DDAH1: variants seen among roughly 807,000 people sequenced by gnomAD.
The protein encoded by DDAH1 is dimethylarginine dimethylaminohydrolase 1.
A neutral mutation model predicts 28.8 loss-of-function variants in DDAH1; 19 were observed. That is an observed-to-expected ratio of 0.66 (90% CI 0.46 to 0.97). DDAH1 has a LOEUF of 0.97. Among genes scored for constraint, DDAH1 ranks in the 50% least tolerant of loss-of-function variants. DDAH1 has a pLI of 0.00. For missense variants in DDAH1, 326 were observed against 375.9 expected, an observed-to-expected ratio of 0.87 and a Z score of 1.10; for synonymous variants, 153 against 154.4, an observed-to-expected ratio of 0.99 and a Z score of 0.07.
intron 1 of DDAH1, among the ~76,000 whole-genome samples, chr1:85,499,894 G>A (rs1265363847): frequency 6.6e-6 from 1 of 152,110 alleles, no homozygotes; most frequent in Admixed American, 6.6e-5. Context: ...ACCACTTCTA[G>A]CACTAGTCAT....
chr1:85,450,703 T>C (rs192448542), intron 1 of DDAH1, among the ~76,000 whole-genome samples: 4 of 152,322 alleles, frequency 2.6e-5, no homozygotes, highest in African/African-American at 9.6e-5. Context: ...CTGAAACTTT[T>C]GAGTTGCCTG....
chr1:85,381,420 T>C (rs1401104781), intron 1 of DDAH1, among the ~76,000 whole-genome samples: 1 of 151,986 alleles, frequency 6.6e-6, no homozygotes, highest in African/African-American at 2.4e-5. Flanking sequence ...AGTGGTTATT[T>C]CTGAGATTTT....
At chr1:85,379,875 A>G (rs1650886215) in intron 1 of DDAH1, among the ~76,000 whole-genome samples, 1 of 152,186 alleles carries the variant, frequency 6.6e-6, no homozygotes, top group Non-Finnish European at 1.5e-5. Context: ...GAACCCATGT[A>G]CACTGCAATT....
At chr1:85,525,567 T>TCA (rs3058870) in intron 1 of DDAH1, among the ~76,000 whole-genome samples, 6,417 of 149,076 alleles carry the variant, frequency 0.043, 233 homozygotes, top group East Asian at 0.11. Flanking sequence ...AGAATGATAT[T>TCA]CACACACACA....
intron 1 of DDAH1, among the ~76,000 whole-genome samples, chr1:85,514,655 T>C (rs1240669791): frequency 2.0e-5 from 3 of 151,408 alleles, no homozygotes; most frequent in African/African-American, 7.3e-5. Flanking sequence ...TTCTTTCACT[T>C]TTTTGGGTAT....
rs1195382561 is a variant in DDAH1 at position 85,341,973 on chromosome 1, T to G, written c.597+8442A>C. ...TTATAATTATATGGTTGCTACTTTT[T>G]GCCAAGTAGTTGTTTGCTCCATCCT... is the stretch of plus-strand genomic sequence containing the variant. On this transcript the variant is annotated intron_variant, in intron 4 of 5. Transcript: ENST00000284031. Among the ~76,000 whole-genome samples the G allele has an allele frequency of 2.0e-5, 3 of 152,226 alleles. 1 individual carries two copies. The highest frequency in any genetic ancestry group is 7.2e-5 in the African/African-American group (3 of 41,456).
At chr1:85,490,355 G>A (rs938277387) in intron 2 of DDAH1, among the ~76,000 whole-genome samples, 1 of 152,138 alleles carries the variant, frequency 6.6e-6, no homozygotes, top group African/African-American at 2.4e-5. Flanking sequence ...GGCATAAAAA[G>A]TCAAAACACT....
intron 1 of DDAH1, among the ~76,000 whole-genome samples, chr1:85,366,272 C>T (rs558710183): frequency 1.5e-4 from 23 of 152,242 alleles, no homozygotes; most frequent in African/African-American, 3.6e-4. Flanking sequence ...ATGGTCAATA[C>T]GTGTTAAAGT....
At chr1:85,565,933 T>C (rs1197760445) in intron 1 of DDAH1, among the ~76,000 whole-genome samples, 3 of 151,982 alleles carry the variant, frequency 2.0e-5, no homozygotes, top group Non-Finnish European at 2.9e-5. Flanking sequence ...ATACAAAAAT[T>C]AGCTGGGTGT....
At chr1:85,441,909 T>C (rs1654216028) in intron 1 of DDAH1, among the ~76,000 whole-genome samples, 1 of 152,184 alleles carries the variant, frequency 6.6e-6, no homozygotes, top group Non-Finnish European at 1.5e-5. Flanking sequence ...CTGCACTTTA[T>C]AAAGACTTTT....
In DDAH1 at chr1:85,464,492, C is replaced by T; in HGVS notation, c.303+251G>A. 2 of 1,525,244 alleles carry T rather than the reference C, an allele frequency of 1.3e-6. No individual in the cohort carries two copies. The highest frequency in any genetic ancestry group is 8.8e-7 in the Non-Finnish European group (1 of 1,140,528). 94.5% of individuals were successfully genotyped at this position (1,525,244 alleles called of 1,614,324 possible). On this transcript the variant is annotated intron_variant, in intron 1 of 5. Transcript: ENST00000284031. The surrounding 1 kb of genome is among the most constrained non-coding windows in gnomAD (Gnocchi z 4.4). The stretch of plus-strand genomic sequence containing the variant: ...CCGTGAGACGGAATCCCCCGCCCAC[C>T]CACCTGCCCGAGACCGTACAACCAC...
At chr1:85,542,416 C>G (rs1658496267) in intron 1 of DDAH1, among the ~76,000 whole-genome samples, 1 of 152,322 alleles carries the variant, frequency 6.6e-6, no homozygotes, top group South Asian at 2.1e-4. Context: ...TATTCTCTAG[C>G]CCCTCAAACC....
intron 1 of DDAH1, among the ~76,000 whole-genome samples, chr1:85,369,357 TCAGA>T (rs1445530496): frequency 6.6e-6 from 1 of 151,966 alleles, no homozygotes; most frequent in Non-Finnish European, 1.5e-5. Flanking sequence ...ACTTTGTAAG[TCAGA>T]CAGAATTTCT....
chr1:85,374,508 T>A (rs233054), intron 1 of DDAH1, among the ~76,000 whole-genome samples: 4 of 151,872 alleles, frequency 2.6e-5, no homozygotes, highest in Admixed American at 2.6e-4. Flanking sequence ...TAAAGCCCAC[T>A]CTCCCTGGAC....
intron 1 of DDAH1, among the ~76,000 whole-genome samples, chr1:85,551,256 A>C (rs1291359153): frequency 2.0e-5 from 3 of 152,192 alleles, no homozygotes; most frequent in Non-Finnish European, 4.4e-5. Flanking sequence ...CTGGGGTGTG[A>C]GAGACATGGC....
intron 2 of DDAH1, among the ~76,000 whole-genome samples, chr1:85,473,062 T>G (rs1655673271): frequency 6.6e-6 from 1 of 152,226 alleles, no homozygotes; most frequent in Non-Finnish European, 1.5e-5. Flanking sequence ...ATTGCATTAT[T>G]TTTATGGCTG....
intron 1 of DDAH1, among the ~76,000 whole-genome samples, chr1:85,546,144 AC>A (rs768561283): frequency 2.6e-4 from 40 of 151,986 alleles, no homozygotes; most frequent in Admixed American, 1.6e-3. Flanking sequence ...AAAAAAAAAA[AC>A]ATGCGTTGGA....
chr1:85,501,318 T>C (rs1057280075), intron 1 of DDAH1, among the ~76,000 whole-genome samples: 8 of 152,150 alleles, frequency 5.3e-5, no homozygotes, highest in Non-Finnish European at 1.0e-4. Flanking sequence ...CCTTTCTTGG[T>C]TCTTCACTGA....
intron 1 of DDAH1, among the ~76,000 whole-genome samples, chr1:85,524,722 A>G (rs1364660817): frequency 1.5e-4 from 23 of 151,956 alleles, no homozygotes; most frequent in Non-Finnish European, 1.0e-4. Flanking sequence ...TCCTGTTTCC[A>G]GTTACTGGTT....
Sources: allele counts gnomAD v4.1 joint callset (sites outside exome capture counted in the v4.1 genomes callset), GRCh38; gene constraint gnomAD v4.1.1; non-coding constraint Gnocchi (gnomAD v3.1); transcripts MANE v1.5; gene names NCBI Gene and HGNC (gene_info 2026-07-23, HGNC 2026-07-21).